SLC16A2: variants seen among roughly 807,000 people sequenced by gnomAD.
SLC16A2 encodes the protein solute carrier family 16 member 2, also known as monocarboxylate transporter 8.
A neutral mutation model predicts 27.2 loss-of-function variants in SLC16A2; 3 were observed. The observed-to-expected ratio is 0.11, with a 90% CI of 0.05 to 0.28. SLC16A2 has a LOEUF of 0.28. Among genes scored for constraint, SLC16A2 ranks in the 10% least tolerant of loss-of-function variants. SLC16A2 has a pLI of 1.00. For synonymous variants in SLC16A2, 202 were observed against 187.8 expected (o/e 1.08, Z -0.62); for missense variants, 295 against 458.5 (o/e 0.64, Z 3.26).
chrX:74,424,523 G>T (rs1362126855), intron 1 of SLC16A2, among the ~76,000 whole-genome samples: 2 of 111,900 alleles, frequency 1.8e-5, no homozygotes, highest in Non-Finnish European at 3.8e-5. Context: ...AGCCGTCTGT[G>T]CCACAGCACT....
At chrX:74,468,909 C>T (rs757527177) in intron 1 of SLC16A2, among the ~76,000 whole-genome samples, 26 of 111,542 alleles carry the variant, frequency 2.3e-4, no homozygotes, top group Non-Finnish European at 3.4e-4. Context: ...CTACCAAAAA[C>T]TAGATCTTAT....
chrX:74,530,863 C>T (rs990004835), intron 5 of SLC16A2, among the ~76,000 whole-genome samples: 6 of 111,192 alleles, frequency 5.4e-5, no homozygotes, highest in African/African-American at 6.6e-5. Context: ...GAAAGGAACA[C>T]GTATAGCCTC....
At chrX:74,476,471 T>C (rs140490911) in intron 1 of SLC16A2, among the ~76,000 whole-genome samples, 33,970 of 110,324 alleles carry the variant, frequency 0.31, 5,057 homozygotes, top group East Asian at 0.86. Flanking sequence ...CCCTTTATTT[T>C]TTTCTCCTGC....
At chrX:74,424,681 C>T (rs1928372221) in intron 1 of SLC16A2, among the ~76,000 whole-genome samples, 2 of 111,803 alleles carry the variant, frequency 1.8e-5, no homozygotes, top group African/African-American at 6.5e-5. Context: ...TAATATCTGA[C>T]ATGACTTCCA....
chrX:74,443,398 C>T lies in SLC16A2; in HGVS notation c.430+21331C>T, dbSNP rs1281356141. Among the ~76,000 whole-genome samples the T allele has an allele frequency of 1.6e-4, 18 of 111,876 alleles. No homozygotes were observed. In the East Asian group the frequency reaches 4.3e-3, roughly 26 times the overall value. On this transcript the variant is annotated intron_variant, in intron 1 of 5. Coordinates refer to ENST00000587091, the MANE Select transcript of SLC16A2 (RefSeq NM_006517.5). ...CTATGGTAATCCTTCCCCATGAACT[C>T]GAGCAGCCTCGGGTCCCTTGGCTGT...
At chrX:74,457,022 A>G (rs1240015791) in intron 1 of SLC16A2, among the ~76,000 whole-genome samples, 1 of 110,877 alleles carries the variant, frequency 9.0e-6, no homozygotes, top group South Asian at 3.9e-4. Flanking sequence ...ATCTCTCTCT[A>G]CTTCCTATCC....
chrX:74,522,622 G>A (rs941818341), intron 2 of SLC16A2, among the ~76,000 whole-genome samples: 1 of 111,943 alleles, frequency 8.9e-6, no homozygotes, highest in Non-Finnish European at 1.9e-5. Flanking sequence ...AGTGTAAACG[G>A]ATTAGCAACA....
chrX:74,457,576 G>T (rs1309853088), intron 1 of SLC16A2, among the ~76,000 whole-genome samples: 1 of 111,664 alleles, frequency 9.0e-6, no homozygotes, highest in Admixed American at 9.6e-5. Context: ...TTTATTTCCA[G>T]ACTTTTTACT....
intron 1 of SLC16A2, among the ~76,000 whole-genome samples, chrX:74,480,563 T>G (rs1327971175): frequency 1.8e-5 from 2 of 112,533 alleles, no homozygotes; most frequent in Admixed American, 9.4e-5. Flanking sequence ...ATCATTAATC[T>G]TCTACATCAC....
At chrX:74,460,205 C>T (rs1158719005) in intron 1 of SLC16A2, among the ~76,000 whole-genome samples, 3 of 111,973 alleles carry the variant, frequency 2.7e-5, no homozygotes, top group Admixed American at 9.5e-5. Context: ...ACTCTGAAAT[C>T]GTCCCAGCAT....
intron 1 of SLC16A2, among the ~76,000 whole-genome samples, chrX:74,494,982 G>A (rs1929907853): frequency 9.0e-6 from 1 of 111,410 alleles, no homozygotes; most frequent in Non-Finnish European, 1.9e-5. Context: ...TCCTACCCAG[G>A]ATCTGTCAAA....
intron 4 of SLC16A2, among the ~76,000 whole-genome samples, chrX:74,528,500 A>G (rs1930518032): frequency 9.0e-6 from 1 of 110,954 alleles, no homozygotes; most frequent in African/African-American, 3.3e-5. Flanking sequence ...CTCCCTAGAC[A>G]TACACCTTCC....
At position 74,435,546 on chromosome X, in the gene SLC16A2, T is replaced by TGC. The variant is rs1928616537; in HGVS notation, c.430+13479_430+13480insGC. On this transcript the variant is annotated intron_variant, in intron 1 of 5. Coordinates refer to ENST00000587091, the MANE Select transcript of SLC16A2 (RefSeq NM_006517.5). ...ATATGCATATATATATGTATATATA[T>TGC]ATATATATTTTTTTTTTTTTTAGTG... is the stretch of plus-strand genomic sequence containing the variant. Among the ~76,000 whole-genome samples the TGC allele has an allele frequency of 7.1e-4, 64 of 89,584 alleles. 1 individual carries two copies. In the East Asian group the frequency reaches 7.3e-3, roughly 10 times the overall value. The allele number at this position is 89,584 out of a possible 115,157, so 77.8% of individuals were successfully genotyped here.
Position 74,521,363 on chromosome X carries a change from T to C in SLC16A2, c.575+229T>C, listed in dbSNP as rs1334217973. Reference sequence around the variant, plus strand: ...AGAGGACCTAAGAGTTCCAAAGTGGTAGGAGTACTCTAAGCCTGGTAGTTC... The same window carrying C: ...AGAGGACCTAAGAGTTCCAAAGTGGCAGGAGTACTCTAAGCCTGGTAGTTC... On this transcript the variant is annotated intron_variant, in intron 2 of 5. Transcript: ENST00000587091. Among the ~76,000 whole-genome samples the C allele has an allele frequency of 5.4e-5, 6 of 111,944 alleles. 1 individual carries two copies. The highest frequency in any genetic ancestry group is 2.8e-4 in the Admixed American group (3 of 10,630).
intron 1 of SLC16A2, among the ~76,000 whole-genome samples, chrX:74,426,324 C>A (rs919779142): frequency 1.7e-4 from 19 of 111,905 alleles, no homozygotes; most frequent in Admixed American, 7.6e-4. Flanking sequence ...TTCCCCTGCC[C>A]CCTTTCCAAC....
chrX:74,436,717 A>C, intron 1 of SLC16A2, among the ~76,000 whole-genome samples: 1 of 111,524 alleles, frequency 9.0e-6, no homozygotes, highest in South Asian at 3.8e-4. Context: ...TGGGTTTCAG[A>C]GAGCAAATAT....
At chrX:74,462,613 C>T (rs1388947749) in intron 1 of SLC16A2, among the ~76,000 whole-genome samples, 6 of 85,084 alleles carry the variant, frequency 7.1e-5, no homozygotes, top group Admixed American at 1.4e-4. Context: ...CCACTGCACC[C>T]GGCAGGTTTG....
chrX:74,494,140 G>A (rs1480525323), intron 1 of SLC16A2, among the ~76,000 whole-genome samples: 1 of 112,283 alleles, frequency 8.9e-6, no homozygotes, highest in South Asian at 3.7e-4. Context: ...CAATACTGCT[G>A]GTGCTCACAC....
chrX:74,425,616 G>A (rs773888161), intron 1 of SLC16A2, among the ~76,000 whole-genome samples: 5 of 110,853 alleles, frequency 4.5e-5, no homozygotes, highest in African/African-American at 1.6e-4. Flanking sequence ...TTGGAGGAAA[G>A]AGGGGAAAGA....
Sources: gnomAD v4.1 joint callset for allele counts (sites outside exome capture counted in the v4.1 genomes callset) on GRCh38, gnomAD v4.1.1 for gene constraint, MANE v1.5 for transcripts, NCBI Gene and HGNC (gene_info 2026-07-23, HGNC 2026-07-21) for gene names.